The following SPEN variants were observed in gnomAD, a reference collection of about 807,000 sequenced individuals.
The protein encoded by SPEN is spen family transcriptional repressor.
In SPEN, 18 loss-of-function variants were observed where a neutral mutation model predicts 269.9. The observed-to-expected ratio is 0.07, with a 90% CI of 0.05 to 0.10. SPEN has a LOEUF of 0.10. Ranked by LOEUF, SPEN falls within the 10% of genes least tolerant of loss-of-function variation. The pLI is 1.00. For missense variants in SPEN, 3,822 were observed against 4,631.2 expected (o/e 0.83, Z 5.07); for synonymous variants, 1,726 against 1,765.7 (o/e 0.98, Z 0.56).
chr1:15,920,732 CTTTTTT>C (rs545998801), intron 8 of SPEN, 132 bp from the exon 9 acceptor site: 1 of 342,656 alleles, frequency 2.9e-6, no homozygotes, highest in African/African-American at 2.2e-5. Flanking sequence ...GTGCATCACA[CTTTTTT>C]TTTTAATAGA....
chr1:15,848,770 G>C lies in SPEN; in HGVS notation c.83+620G>C, dbSNP rs1478868156. On this transcript the variant is annotated intron_variant, in intron 1 of 14. Coordinates refer to ENST00000375759, the MANE Select transcript of SPEN (RefSeq NM_015001.3). The surrounding 1 kb of genome is among the most constrained non-coding windows in gnomAD (Gnocchi z 5.1). ...TGGCAAACGTTTCTCGTTTTTGCGG[G>C]GCTGGGTGGAGAGTGGTGTGAAATA... Among the ~76,000 whole-genome samples the C allele has an allele frequency of 1.3e-5, 2 of 152,056 alleles. No homozygotes were observed. Among genetic ancestry groups the C allele is most frequent in the Admixed American group, 1.3e-4 (2 of 15,272 alleles).
At position 15,936,123 on chromosome 1, in the gene SPEN, A is replaced by G; in HGVS notation, c.9883A>G (p.Ile3295Val). Residue 3295 changes from isoleucine to valine, a missense_variant, in exon 11 of 15, where the codon ATT becomes GTT. Around this residue, in one of 16 missense-constraint regions of SPEN, gnomAD observed 359 missense variants for 377.3 expected, o/e 0.95. Transcript: ENST00000375759. ...TGTGGTGGTGACCCATGGGGTGCAG[A>G]TTGTGCACTCCAGCGGGGAGCTGTT... The part of the protein sequence containing the change: ...PPVVVTHGVQ[I>V]VHSSGELFQE... 6.2e-7 allele frequency: 1 copy of G among 1,611,424 alleles called. No individual in the cohort carries two copies. Among genetic ancestry groups the G allele is most frequent in the South Asian group, 1.1e-5 (1 of 90,962 alleles).
intron 4 of SPEN, among the ~76,000 whole-genome samples, chr1:15,909,696 C>T (rs928814345): frequency 1.7e-4 from 26 of 151,944 alleles, no homozygotes; most frequent in African/African-American, 5.8e-4. Flanking sequence ...GACAGCTGAC[C>T]GTAATATACT....
In SPEN at chr1:15,929,396, C is replaced by T. The variant is rs369670258; in HGVS notation, c.3156C>T (p.Ile1052=). 1.4e-4 allele frequency: 223 copies of T among 1,612,914 alleles called. No individual in the cohort carries two copies. Among genetic ancestry groups the T allele is most frequent in the Non-Finnish European group, 1.8e-4 (217 of 1,179,740 alleles). The change falls in exon 11 of 15, where the codon ATC becomes ATT. Residue 1052 remains isoleucine (I), a synonymous_variant. Transcript: ENST00000375759. This position sits in a 1 kb window ranked among gnomAD's most constrained non-coding sequence, Gnocchi z 5.8. ...TTCTTAAAAGAGAATCTAAAAAAAT[C>T]AAACTGGACAGACTTAATACTGTTG... ...KEILKRESKK[I]KLDRLNTVAS... is the part of the protein sequence containing the mutation.
At chr1:15,893,790 C>A (rs948479788) in intron 3 of SPEN, among the ~76,000 whole-genome samples, 4 of 152,042 alleles carry the variant, frequency 2.6e-5, no homozygotes, top group African/African-American at 9.7e-5. Flanking sequence ...AATCCCAGCA[C>A]TTTGGGGGAG....
intron 3 of SPEN, among the ~76,000 whole-genome samples, chr1:15,907,076 T>TTTC (rs1422382157): frequency 6.6e-6 from 1 of 152,134 alleles, no homozygotes; most frequent in Admixed American, 6.5e-5. Context: ...CCAGTCAAGT[T>TTTC]TTCATCTATT....
At chr1:15,897,508 C>T (rs1027257067) in intron 3 of SPEN, among the ~76,000 whole-genome samples, 1 of 152,066 alleles carries the variant, frequency 6.6e-6, no homozygotes, top group South Asian at 2.1e-4. Context: ...ATTATAGGCA[C>T]CAGCCACCAC....
At chr1:15,866,883 G>A (rs1267789627) in intron 1 of SPEN, among the ~76,000 whole-genome samples, 1 of 152,134 alleles carries the variant, frequency 6.6e-6, no homozygotes, top group Non-Finnish European at 1.5e-5. Context: ...TTGATTTATA[G>A]TGAGATAACA....
At chr1:15,891,697 C>T (rs1301868585) in intron 3 of SPEN, among the ~76,000 whole-genome samples, 1 of 151,880 alleles carries the variant, frequency 6.6e-6, no homozygotes, top group Non-Finnish European at 1.5e-5. Context: ...GCTATGTTGC[C>T]CAGGCTGGTC....
chr1:15,865,028 C>T (rs2070489683), intron 1 of SPEN, among the ~76,000 whole-genome samples: 2 of 151,776 alleles, frequency 1.3e-5, no homozygotes, highest in African/African-American at 4.8e-5. Flanking sequence ...TGAAATTGAG[C>T]AGCTTTGAGT....
intron 3 of SPEN, among the ~76,000 whole-genome samples, chr1:15,877,774 C>T (rs1025644028): frequency 5.8e-5 from 7 of 120,592 alleles, no homozygotes; most frequent in Admixed American, 2.0e-4. Flanking sequence ...GATGGAGTCT[C>T]GCTCTTGTCA....
chr1:15,890,481 C>T (rs1365073246), intron 3 of SPEN, among the ~76,000 whole-genome samples: 7 of 151,738 alleles, frequency 4.6e-5, no homozygotes, highest in Non-Finnish European at 7.4e-5. Flanking sequence ...CCGCCCACCC[C>T]GACCTCCCAA....
chr1:15,914,701 G>A (rs538986815), intron 5 of SPEN, among the ~76,000 whole-genome samples: 1 of 152,220 alleles, frequency 6.6e-6, no homozygotes, highest in Admixed American at 6.5e-5. Flanking sequence ...GCGGGCACCT[G>A]TAATCCCAGC....
At chr1:15,873,226 A>G in intron 2 of SPEN, 90 bp downstream of exon 2, 1 of 1,449,568 alleles carries the variant, frequency 6.9e-7, no homozygotes, top group Non-Finnish European at 9.1e-7. Flanking sequence ...ATGGATTTAA[A>G]GTTTTGGGCA....
intron 3 of SPEN, among the ~76,000 whole-genome samples, chr1:15,901,200 A>C (rs895814080): frequency 6.6e-6 from 1 of 150,984 alleles, no homozygotes; most frequent in African/African-American, 2.4e-5. Flanking sequence ...AAAAAAAAAA[A>C]GGTGTAGGGG....
intron 3 of SPEN, among the ~76,000 whole-genome samples, chr1:15,894,113 A>G (rs2070815860): frequency 6.6e-6 from 1 of 152,138 alleles, no homozygotes; most frequent in Admixed American, 6.6e-5. Context: ...ACACACACAC[A>G]CTCACTTGAT....
intron 5 of SPEN, among the ~76,000 whole-genome samples, chr1:15,914,142 G>C (rs2071035572): frequency 6.6e-6 from 1 of 152,190 alleles, no homozygotes; most frequent in Non-Finnish European, 1.5e-5. Context: ...GAGTCCACCT[G>C]AGTTTCATGT....
At chr1:15,873,951 A>G in intron 2 of SPEN, 1 of 1,180,426 alleles carries the variant, frequency 8.5e-7, no homozygotes, top group Non-Finnish European at 1.1e-6. Flanking sequence ...CTTTGAACAC[A>G]TGGTGATGAT....
At chr1:15,865,862 A>G (rs568881095) in intron 1 of SPEN, among the ~76,000 whole-genome samples, 11 of 151,062 alleles carry the variant, frequency 7.3e-5, no homozygotes, top group African/African-American at 2.7e-4. Flanking sequence ...ATCTTGCTAT[A>G]TAGGAGTTGT....
Sources: gnomAD v4.1 joint callset for allele counts (sites outside exome capture counted in the v4.1 genomes callset) on GRCh38, gnomAD v4.1.1 for gene constraint, gnomAD v4.1.1 regional missense constraint, Gnocchi (gnomAD v3.1) non-coding constraint, MANE v1.5 for transcripts, NCBI Gene and HGNC (gene_info 2026-07-23, HGNC 2026-07-21) for gene names.